Variants in CFAP53 observed in about 807,000 individuals in gnomAD.
The protein encoded by CFAP53 is cilia- and flagella-associated protein 53.
In CFAP53, 62 loss-of-function variants were observed where a neutral mutation model predicts 59.7. The observed-to-expected ratio is 1.04, with a 90% CI of 0.85 to 1.28. The LOEUF (loss-of-function observed/expected upper bound fraction) is 1.28, where lower values mean the gene tolerates loss of function less well. CFAP53 is among the 50% of genes most tolerant of loss of function. CFAP53 has a pLI of 0.00. For synonymous variants in CFAP53, 218 were observed against 205.7 expected (o/e 1.06, Z -0.51); for missense variants, 629 against 615.6 (o/e 1.02, Z -0.23).
chr18:50,243,001 T>A lies in CFAP53; in HGVS notation c.1112A>T (p.Lys371Met), dbSNP rs1405277057. The change falls in exon 6 of 8, where the codon AAG (lysine) becomes ATG (methionine). Residue 371 changes from lysine to methionine, a missense_variant. By Grantham distance (95) the Lys-to-Met change is moderately conservative. Transcript: ENST00000398545. ...CAGCTCCTTGTCCTTCTCAGCCAAC[T>A]TCTTTGCCTTGTCTTCCTCTAATAT... Reference protein sequence around the residue: ...DRILEEDKAKKLAEKDKELRL... With the variant: ...DRILEEDKAKMLAEKDKELRL... 3 of 1,614,092 alleles carry A rather than the reference T, an allele frequency of 1.9e-6. No homozygotes were observed. Among genetic ancestry groups the A allele is most frequent in the African/African-American group, 2.7e-5 (2 of 75,050 alleles).
chr18:50,262,108 G>C lies in CFAP53; in HGVS notation c.181C>G (p.Arg61Gly), dbSNP rs550993731. 6.2e-7 allele frequency: 1 copy of C among 1,614,192 alleles called. No homozygotes were observed. Among genetic ancestry groups the C allele is most frequent in the East Asian group, 2.2e-5 (1 of 44,882 alleles). The stretch of plus-strand genomic sequence containing the variant: ...TGCTGGTCCCACTCAGCTTTCAAGC[G>C]ATCCCGCTCACTTGACTTAATGGAA... ...LASIKSSERD[R>G]LKAEWDQHND... The change falls in exon 2 of 8, where the codon CGC becomes GGC. Residue 61 changes from arginine (R) to glycine (G), a missense_variant. Coordinates refer to ENST00000398545, the MANE Select transcript of CFAP53 (RefSeq NM_145020.5).
At chr18:50,237,576 A>G (rs1245922615) in intron 7 of CFAP53, among the ~76,000 whole-genome samples, 1 of 151,628 alleles carries the variant, frequency 6.6e-6, no homozygotes, top group Non-Finnish European at 1.5e-5. Flanking sequence ...AGTGTGAGTA[A>G]GTCAAAGGAC....
intron 6 of CFAP53, 135 bp downstream of exon 6, chr18:50,242,764 AC>A: frequency 1.4e-6 from 1 of 711,516 alleles, no homozygotes; most frequent in Non-Finnish European, 2.4e-6. Flanking sequence ...ATTTGCAATA[AC>A]AGGCCTCCTG....
At chr18:50,232,628 G>A (rs1477108200) in intron 7 of CFAP53, among the ~76,000 whole-genome samples, 2 of 152,182 alleles carry the variant, frequency 1.3e-5, no homozygotes, top group East Asian at 3.9e-4. Flanking sequence ...AGGGCCCCCA[G>A]GACAGAATCT....
chr18:50,239,624 T>C (rs988088199), intron 6 of CFAP53, among the ~76,000 whole-genome samples: 1 of 152,198 alleles, frequency 6.6e-6, no homozygotes, highest in Non-Finnish European at 1.5e-5. Context: ...TAAAGAGTCA[T>C]TGCTGTGTTT....
rs1290242188 is a variant in CFAP53 at position 50,251,670 on chromosome 18, C to G, written c.588G>C (p.Val196=). ...AGAGTTTGGAGAACATCTGCTCTTCCACCAGCTTTTGCCTGCTCAGCTCCT... is the reference window on the plus strand; with the variant it reads ...AGAGTTTGGAGAACATCTGCTCTTCGACCAGCTTTTGCCTGCTCAGCTCCT... ...FNEELSRQKL[V]EEQMFSKLWE... is the part of the protein sequence containing the mutation. Residue 196 remains valine, a synonymous_variant, in exon 4 of 8, where the codon GTG becomes GTC. Coordinates refer to ENST00000398545, the MANE Select transcript of CFAP53 (RefSeq NM_145020.5). The G allele has an allele frequency of 1.9e-6, 3 of 1,614,224 alleles. No homozygotes were observed. Among genetic ancestry groups the G allele is most frequent in the East Asian group, 2.2e-5 (1 of 44,882 alleles).
At chr18:50,254,073 CT>C (rs2033825002) in intron 3 of CFAP53, among the ~76,000 whole-genome samples, 1 of 151,140 alleles carries the variant, frequency 6.6e-6, no homozygotes. Context: ...GTAAAAGATC[CT>C]TTTAATAGGA....
chr18:50,233,694 G>A (rs1440379423), intron 7 of CFAP53, among the ~76,000 whole-genome samples: 1 of 152,168 alleles, frequency 6.6e-6, no homozygotes, highest in African/African-American at 2.4e-5. Flanking sequence ...CTGGAGCCAG[G>A]CACTTACTCC....
In CFAP53 at chr18:50,242,989, T is replaced by C; in HGVS notation, c.1124A>G (p.Lys375Arg). The stretch of plus-strand genomic sequence containing the variant: ...CTTTTCAAGTCTCAGCTCCTTGTCC[T>C]TCTCAGCCAACTTCTTTGCCTTGTC... ...EEDKAKKLAE[K>R]DKELRLEKEA... Residue 375 changes from lysine to arginine, a missense_variant, in exon 6 of 8, where the codon AAG (lysine) becomes AGG (arginine). Transcript: ENST00000398545. The C allele has an allele frequency of 1.2e-6, 2 of 1,614,146 alleles. No individual in the cohort carries two copies. The highest frequency in any genetic ancestry group is 1.7e-5 in the Admixed American group (1 of 60,018).
At chr18:50,249,075 C>T (rs934331067) in intron 5 of CFAP53, among the ~76,000 whole-genome samples, 44 of 151,736 alleles carry the variant, frequency 2.9e-4, no homozygotes, top group Admixed American at 1.8e-3. Flanking sequence ...CAGTGGCACC[C>T]GCCTGTAATC....
At chr18:50,263,607 T>A (rs1029198557) in intron 1 of CFAP53, among the ~76,000 whole-genome samples, 2 of 152,216 alleles carry the variant, frequency 1.3e-5, no homozygotes, top group Non-Finnish European at 2.9e-5. Context: ...ATTAGATGAC[T>A]GTTCTCCAAT....
At chr18:50,232,866 T>C (rs2033595932) in intron 7 of CFAP53, among the ~76,000 whole-genome samples, 1 of 152,218 alleles carries the variant, frequency 6.6e-6, no homozygotes, top group African/African-American at 2.4e-5. Context: ...CCTTTTCCTC[T>C]CCATTCCTTC....
chr18:50,229,443 C>T (rs2144398745), intron 7 of CFAP53, among the ~76,000 whole-genome samples: 1 of 152,326 alleles, frequency 6.6e-6, no homozygotes, highest in African/African-American at 2.4e-5. Context: ...GAAAAATATT[C>T]CATCATAAAT....
At chr18:50,251,109 A>C in intron 4 of CFAP53, 133 bp from the exon 5 acceptor site, 2 of 774,352 alleles carry the variant, frequency 2.6e-6, no homozygotes, top group Non-Finnish European at 4.2e-6. Flanking sequence ...GGCTGTAAGA[A>C]AGAAAACCTT....
At chr18:50,232,305 A>G (rs2033591075) in intron 7 of CFAP53, among the ~76,000 whole-genome samples, 1 of 152,228 alleles carries the variant, frequency 6.6e-6, no homozygotes, top group Non-Finnish European at 1.5e-5. Context: ...GTAACACAGC[A>G]TGGCCCCTAT....
intron 5 of CFAP53, 39 bp from the exon 6 acceptor site, chr18:50,243,155 G>A (rs773821184): frequency 6.8e-7 from 1 of 1,469,460 alleles, no homozygotes; most frequent in African/African-American, 1.4e-5. Context: ...AAATTTTTTG[G>A]TGTGATACTA....
At chr18:50,229,752 TTC>T in intron 7 of CFAP53, among the ~76,000 whole-genome samples, 3 of 150,430 alleles carry the variant, frequency 2.0e-5, no homozygotes, top group Non-Finnish European at 3.0e-5. Flanking sequence ...TTTTTTTTTT[TTC>T]AGACAGGGTC....
At chr18:50,261,518 G>C (rs1033512659) in intron 2 of CFAP53, among the ~76,000 whole-genome samples, 6 of 151,794 alleles carry the variant, frequency 4.0e-5, no homozygotes, top group African/African-American at 9.7e-5. Context: ...CAGCCTCCTT[G>C]AACAGCTGGG....
chr18:50,254,196 G>A (rs2033826315), intron 3 of CFAP53, among the ~76,000 whole-genome samples: 1 of 149,808 alleles, frequency 6.7e-6, no homozygotes, highest in African/African-American at 2.5e-5. Flanking sequence ...AAGAAGTACT[G>A]TCTAGAATAC....
Sources: allele counts gnomAD v4.1 joint callset (sites outside exome capture counted in the v4.1 genomes callset), GRCh38; gene constraint gnomAD v4.1.1; transcripts MANE v1.5; gene names NCBI Gene and HGNC (gene_info 2026-07-23, HGNC 2026-07-21).